RALYL: variants seen among roughly 807,000 people sequenced by gnomAD.
RALYL encodes RALY RNA binding protein like.
In RALYL, 29 loss-of-function variants were observed where a neutral mutation model predicts 35.1. The ratio of observed to expected loss-of-function variants is 0.83; its 90% CI spans 0.61 to 1.13. The LOEUF (loss-of-function observed/expected upper bound fraction) is 1.13. RALYL is among the 50% of genes most tolerant of loss of function. RALYL has a pLI of 0.00. For synonymous variants in RALYL, 120 were observed against 127.6 expected (o/e 0.94, Z 0.40); for missense variants, 359 against 360.4 (o/e 1.00, Z 0.03).
intron 2 of RALYL, among the ~76,000 whole-genome samples, chr8:84,606,761 A>T (rs1413715128): frequency 6.6e-6 from 1 of 152,034 alleles, no homozygotes; most frequent in Non-Finnish European, 1.5e-5. Context: ...TGATAAATGA[A>T]TGTTTTTTGA....
At chr8:84,791,849 C>G (rs1327752820) in intron 3 of RALYL, among the ~76,000 whole-genome samples, 1 of 152,210 alleles carries the variant, frequency 6.6e-6, no homozygotes. Context: ...AATAGTTCTG[C>G]TCTGTGTGTC....
At chr8:84,234,913 C>T (rs1474490184) in intron 1 of RALYL, among the ~76,000 whole-genome samples, 2 of 151,728 alleles carry the variant, frequency 1.3e-5, no homozygotes, top group African/African-American at 2.4e-5. Context: ...TACAGGTGGG[C>T]GCGACCATGC....
At chr8:84,689,998 A>G (rs186110555) in intron 2 of RALYL, among the ~76,000 whole-genome samples, 14 of 152,292 alleles carry the variant, frequency 9.2e-5, no homozygotes, top group Non-Finnish European at 8.8e-5. Flanking sequence ...TTAAATCTGG[A>G]ACAGCTACAT....
intron 8 of RALYL, among the ~76,000 whole-genome samples, chr8:84,901,954 G>C (rs1845768900): frequency 6.6e-6 from 1 of 152,008 alleles, no homozygotes; most frequent in South Asian, 2.1e-4. Context: ...GGAGAAGGGT[G>C]GTTCTTTGCA....
At chr8:84,467,526 G>A (rs1311448919) in intron 1 of RALYL, among the ~76,000 whole-genome samples, 2 of 150,470 alleles carry the variant, frequency 1.3e-5, no homozygotes, top group Non-Finnish European at 3.0e-5. Context: ...TATAATTTCT[G>A]TTCTTTTACA....
chr8:84,213,262 C>G (rs113690427), intron 1 of RALYL, among the ~76,000 whole-genome samples: 3,923 of 152,032 alleles, frequency 0.026, 179 homozygotes, highest in African/African-American at 0.087. Context: ...ATGGTGGCAA[C>G]TGCCTGTAGT....
intron 4 of RALYL, among the ~76,000 whole-genome samples, chr8:84,827,187 C>T (rs1829903887): frequency 6.6e-6 from 1 of 151,954 alleles, no homozygotes; most frequent in African/African-American, 2.4e-5. Flanking sequence ...ACAATCAGAC[C>T]CTTGCTCCAG....
chr8:84,680,438 A>G (rs1483089069), intron 2 of RALYL, among the ~76,000 whole-genome samples: 4 of 152,108 alleles, frequency 2.6e-5, no homozygotes, highest in South Asian at 4.1e-4. Flanking sequence ...GACTTCCACA[A>G]TGATTGAACT....
chr8:84,894,319 A>G (rs1310856998), intron 8 of RALYL, among the ~76,000 whole-genome samples: 1 of 152,200 alleles, frequency 6.6e-6, no homozygotes, highest in African/African-American at 2.4e-5. Flanking sequence ...ACTGTGAGAC[A>G]TGTTCCACAA....
At chr8:84,651,860 A>C (rs1828908596) in intron 2 of RALYL, among the ~76,000 whole-genome samples, 2 of 152,052 alleles carry the variant, frequency 1.3e-5, no homozygotes, top group Admixed American at 1.3e-4. Flanking sequence ...CCTGTGAAAG[A>C]AAAGAGCAGA....
intron 1 of RALYL, among the ~76,000 whole-genome samples, chr8:84,503,613 G>A (rs897099913): frequency 1.3e-5 from 2 of 152,108 alleles, no homozygotes; most frequent in Non-Finnish European, 2.9e-5. Flanking sequence ...CACTTTGGGA[G>A]GCCAAGGAGG....
rs1304979985 is a variant in RALYL at position 84,491,220 on chromosome 8, C to T, written c.-23-38079C>T. 3.3e-5 allele frequency among the ~76,000 whole-genome samples: 5 copies of T among 151,910 alleles called. No homozygotes were observed. In the East Asian group the frequency reaches 9.7e-4, roughly 29 times the overall value. On this transcript the variant is annotated intron_variant, in intron 1 of 8. Transcript: ENST00000521268. Reference sequence around the variant, plus strand: ...TGCTCACTCTCTGTCTCTCTCTATCCCCTACACATACAGCTTAGGTAAGTG... The same window carrying T: ...TGCTCACTCTCTGTCTCTCTCTATCTCCTACACATACAGCTTAGGTAAGTG...
At chr8:84,337,995 T>C (rs982747751) in intron 1 of RALYL, among the ~76,000 whole-genome samples, 1 of 151,962 alleles carries the variant, frequency 6.6e-6, no homozygotes, top group African/African-American at 2.4e-5. Flanking sequence ...TCAAATTAGC[T>C]CAAAGGAAAA....
At chr8:84,915,784 CA>C (rs1368438305) in intron 8 of RALYL, among the ~76,000 whole-genome samples, 3 of 151,994 alleles carry the variant, frequency 2.0e-5, no homozygotes, top group Admixed American at 6.6e-5. Context: ...TACATCTTAT[CA>C]AACTAAAAAA....
intron 8 of RALYL, among the ~76,000 whole-genome samples, chr8:84,889,598 A>G (rs1260605147): frequency 2.6e-5 from 4 of 152,136 alleles, no homozygotes; most frequent in Non-Finnish European, 4.4e-5. Flanking sequence ...AGCGTTAAAT[A>G]TTATCTATAG....
chr8:84,326,691 G>A (rs561946818), intron 1 of RALYL, among the ~76,000 whole-genome samples: 1 of 152,192 alleles, frequency 6.6e-6, no homozygotes, highest in African/African-American at 2.4e-5. Flanking sequence ...ACTACATTAA[G>A]TATATTTTTA....
chr8:84,862,424 C>A lies in RALYL; in HGVS notation c.542C>A (p.Ser181Tyr). 1 of 1,605,564 alleles carries A rather than the reference C, an allele frequency of 6.2e-7. No homozygotes were observed. Among genetic ancestry groups the A allele is most frequent in the Non-Finnish European group, 8.5e-7 (1 of 1,176,572 alleles). Residue 181 changes from serine (S) to tyrosine (Y), a missense_variant, in exon 6 of 9, where the codon TCT becomes TAT. Transcript: ENST00000521268. ...TTTTCCATGAAAGGTGGATCGAGATCTACTGCCAGTGGGTCAACAGGTTCT... is the reference window on the plus strand; with the variant it reads ...TTTTCCATGAAAGGTGGATCGAGATATACTGCCAGTGGGTCAACAGGTTCT... ...GVFSMKGGSR[S>Y]TASGSTGSKL...
At chr8:84,207,861 A>G (rs890122932) in intron 1 of RALYL, among the ~76,000 whole-genome samples, 1 of 151,676 alleles carries the variant, frequency 6.6e-6, no homozygotes, top group Non-Finnish European at 1.5e-5. Flanking sequence ...ATTGTACACT[A>G]TACATGTATA....
At chr8:84,741,442 G>A (rs1045111220) in intron 2 of RALYL, among the ~76,000 whole-genome samples, 1 of 152,066 alleles carries the variant, frequency 6.6e-6, no homozygotes, top group Non-Finnish European at 1.5e-5. Context: ...GGAAGTCCAT[G>A]ATCAAGGTGA....
Sources: allele counts gnomAD v4.1 joint callset (sites outside exome capture counted in the v4.1 genomes callset), GRCh38; gene constraint gnomAD v4.1.1; transcripts MANE v1.5; gene names NCBI Gene and HGNC (gene_info 2026-07-23, HGNC 2026-07-21).